CCP110: variants seen among roughly 807,000 people sequenced by gnomAD.
The protein encoded by CCP110 is centriolar coiled-coil protein of 110 kDa.
Under a neutral mutation model 105.5 loss-of-function variants are expected in CCP110, and 43 were observed. That is an observed-to-expected ratio of 0.41 (90% CI 0.32 to 0.53). The LOEUF (loss-of-function observed/expected upper bound fraction) is 0.53. Among genes scored for constraint, CCP110 ranks in the 20% least tolerant of loss-of-function variants. The pLI is 0.32. For synonymous variants in CCP110, 353 were observed against 392.1 expected (o/e 0.90, Z 1.18); for missense variants, 1,016 against 1,189.1 (o/e 0.85, Z 2.14).
chr16:19,527,760 A>G (rs1157531623), intron 1 of CCP110, 107 bp from the exon 2 acceptor site: 3 of 775,202 alleles, frequency 3.9e-6, no homozygotes, highest in Non-Finnish European at 5.8e-6. Context: ...AGGACCAGTT[A>G]TAGGAATTGT....
intron 4 of CCP110, among the ~76,000 whole-genome samples, chr16:19,537,853 G>A (rs1970131682): frequency 6.6e-6 from 1 of 152,082 alleles, no homozygotes; most frequent in Admixed American, 6.5e-5. Context: ...CGCCTCCTGG[G>A]CTCAAGCCAT....
intron 1 of CCP110, chr16:19,525,394 G>A (rs1044623822): frequency 8.5e-5 from 13 of 152,232 alleles, no homozygotes; most frequent in African/African-American, 3.1e-4. Context: ...AAGATATAGA[G>A]CAGTAGATTT....
chr16:19,534,175 A>G (rs933461107), intron 3 of CCP110, among the ~76,000 whole-genome samples: 2 of 152,158 alleles, frequency 1.3e-5, no homozygotes, highest in Non-Finnish European at 2.9e-5. Context: ...TACTGTCCAT[A>G]TTAAGTTTAA....
intron 8 of CCP110, among the ~76,000 whole-genome samples, chr16:19,544,207 C>T (rs2151480224): frequency 6.6e-6 from 1 of 152,224 alleles, no homozygotes; most frequent in Middle Eastern, 3.4e-3. Context: ...ATAGAAAGAA[C>T]CTATGTTGAA....
In CCP110 at chr16:19,545,293, C is replaced by A. The variant is rs1381790200; in HGVS notation, c.2703+83C>A. 4 of 634,760 alleles carry A rather than the reference C, an allele frequency of 6.3e-6. No homozygotes were observed. The African/African-American group carries it at 7.5e-5, about 12-fold the overall frequency. The allele number at this position is 634,760 out of a possible 1,614,324, so 39.3% of individuals were successfully genotyped here. ...AAATGTCAGTTTTGGTTGACTTCAG[C>A]ACCCTTCTTCTGATAATTCTTAAGC... On this transcript the variant is annotated intron_variant, in intron 10 of 14. Coordinates refer to ENST00000381396, the Ensembl canonical transcript of CCP110.
intron 2 of CCP110, 62 bp downstream of exon 2, chr16:19,528,084 A>G: frequency 7.2e-7 from 1 of 1,380,454 alleles, no homozygotes; most frequent in South Asian, 1.3e-5. Context: ...CAGTTCGTGG[A>G]AAAACAAAAG....
chr16:19,536,565 A>G (rs778089923), exon 4 of CCP110: 11 of 1,614,008 alleles, frequency 6.8e-6, no homozygotes, highest in African/African-American at 1.3e-5. Flanking sequence ...AATAAATCAA[A>G]TGTTCTTCTC....
chr16:19,546,510 T>C, intron 12 of CCP110, 36 bp downstream of exon 12: 1 of 1,325,358 alleles, frequency 7.5e-7, no homozygotes, highest in Non-Finnish European at 1.1e-6. Flanking sequence ...GAGAGGCTTT[T>C]TGTTTTTTAT....
At chr16:19,549,009 A>G (rs1597282218) in intron 14 of CCP110, among the ~76,000 whole-genome samples, 1 of 152,314 alleles carries the variant, frequency 6.6e-6, no homozygotes, top group African/African-American at 2.4e-5. Flanking sequence ...AGACTATAAG[A>G]TCACATGTGA....
exon 15 of CCP110, chr16:19,551,233 T>C: frequency 6.2e-7 from 1 of 1,612,860 alleles, no homozygotes; most frequent in Non-Finnish European, 8.5e-7. Context: ...AGCGGCCAAA[T>C]GTTGCGACAA....
exon 4 of CCP110, chr16:19,537,430 A>G: frequency 6.2e-7 from 1 of 1,613,734 alleles, no homozygotes; most frequent in Non-Finnish European, 8.5e-7. Flanking sequence ...TTAAACGGAG[A>G]CTTGATTTAG....
intron 14 of CCP110, among the ~76,000 whole-genome samples, chr16:19,550,514 A>G (rs1970602897): frequency 6.6e-6 from 1 of 152,178 alleles, no homozygotes; most frequent in Non-Finnish European, 1.5e-5. Context: ...AATGCTAACT[A>G]TGAATCTGAA....
intron 1 of CCP110, chr16:19,525,654 T>C (rs1420440435): frequency 6.6e-6 from 1 of 152,252 alleles, no homozygotes; most frequent in Non-Finnish European, 1.5e-5. Flanking sequence ...CTTTTTTTCT[T>C]CTGGTTTACA....
chr16:19,542,513 T>G (rs1970322390), intron 6 of CCP110, 108 bp from the exon 7 acceptor site: 1 of 796,004 alleles, frequency 1.3e-6, no homozygotes, highest in Non-Finnish European at 2.0e-6. Flanking sequence ...GTAGGTCATT[T>G]TTGGAGGCAG....
chr16:19,524,266 G>A (rs866855331), intron 1 of CCP110, among the ~76,000 whole-genome samples, 178 bp downstream of exon 1: 15 of 152,134 alleles, frequency 9.9e-5, no homozygotes, highest in Non-Finnish European at 2.2e-4. Context: ...AGCCAGCACC[G>A]GGCGCTGAGG....
chr16:19,544,033 A>AC (rs906494487), intron 8 of CCP110, among the ~76,000 whole-genome samples: 19 of 151,748 alleles, frequency 1.3e-4, no homozygotes, highest in African/African-American at 4.1e-4. Flanking sequence ...CTGTTCTTGC[A>AC]CCCCCTCCCC....
At chr16:19,528,673 A>T (rs1399617826) in intron 2 of CCP110, among the ~76,000 whole-genome samples, 2 of 152,152 alleles carry the variant, frequency 1.3e-5, no homozygotes, top group Non-Finnish European at 2.9e-5. Flanking sequence ...AAGGAAGAGG[A>T]TTGCTTGAGA....
exon 4 of CCP110, chr16:19,537,141 C>T (rs770143429): frequency 1.2e-5 from 19 of 1,614,076 alleles, no homozygotes; most frequent in Admixed American, 1.7e-5. Flanking sequence ...GAGAGAGGCG[C>T]ACACATAATG....
chr16:19,548,444 T>A lies in CCP110; in HGVS notation c.2901-71T>A, dbSNP rs1970531784. ...GCTTTGGACAGTTGATGCAATGTGATTGCTTTCTTTGAATTTTGAACATTT... is the reference window on the plus strand; with the variant it reads ...GCTTTGGACAGTTGATGCAATGTGAATGCTTTCTTTGAATTTTGAACATTT... On this transcript the variant is annotated intron_variant, in intron 13 of 14. Coordinates refer to ENST00000381396, the Ensembl canonical transcript of CCP110. The surrounding 1 kb of genome is among the most constrained non-coding windows in gnomAD (Gnocchi z 4.1). The A allele has an allele frequency of 7.1e-6, 7 of 980,834 alleles. No homozygotes were observed. In the South Asian group the frequency reaches 1.1e-4, roughly 15 times the overall value. 60.8% of individuals were successfully genotyped at this position (980,834 alleles called of 1,614,324 possible).
Sources: allele counts gnomAD v4.1 joint callset (sites outside exome capture counted in the v4.1 genomes callset), GRCh38; gene constraint gnomAD v4.1.1; non-coding constraint Gnocchi (gnomAD v3.1); transcripts MANE v1.5; gene names NCBI Gene and HGNC (gene_info 2026-07-23, HGNC 2026-07-21).